PTPN3: variants seen among roughly 807,000 people sequenced by gnomAD.
PTPN3 encodes the protein protein tyrosine phosphatase non-receptor type 3.
Under a neutral mutation model 132.7 loss-of-function variants are expected in PTPN3, and 96 were observed. The ratio of observed to expected loss-of-function variants is 0.72; its 90% CI spans 0.61 to 0.86. PTPN3 has a LOEUF of 0.86. Among genes scored for constraint, PTPN3 ranks in the 40% least tolerant of loss-of-function variants. PTPN3 has a pLI of 0.00. For synonymous variants in PTPN3, 398 were observed against 429.0 expected, an observed-to-expected ratio of 0.93 and a Z score of 0.89; for missense variants, 1,125 against 1,159.6, an observed-to-expected ratio of 0.97 and a Z score of 0.43.
the PTPN3 span, among the ~76,000 whole-genome samples, chr9:109,522,250 A>C: frequency 6.6e-6 from 1 of 152,190 alleles, no homozygotes; most frequent in African/African-American, 2.4e-5. Flanking sequence ...GGTCAAGTGG[A>C]AAAGAAATCC....
chr9:109,424,551 C>T (rs928092455), intron 12 of PTPN3, among the ~76,000 whole-genome samples: 5 of 152,256 alleles, frequency 3.3e-5, no homozygotes, highest in African/African-American at 9.6e-5. Context: ...TTCTGCCTTT[C>T]GCTCCTGGAA....
chr9:109,426,690 G>A (rs1843306547), intron 12 of PTPN3, among the ~76,000 whole-genome samples: 1 of 152,158 alleles, frequency 6.6e-6, no homozygotes, highest in South Asian at 2.1e-4. Context: ...TTATGTCATG[G>A]TGCAGGGTAC....
the PTPN3 span, among the ~76,000 whole-genome samples, chr9:109,508,862 C>G: frequency 8.1e-5 from 12 of 148,126 alleles, no homozygotes; most frequent in Middle Eastern, 3.4e-3. Flanking sequence ...GTCCCCCCCC[C>G]ACCCACCAAC....
At chr9:109,534,161 T>C in the PTPN3 span, 1 of 868,558 alleles carries the variant, frequency 1.2e-6, no homozygotes, top group East Asian at 2.4e-5. Flanking sequence ...AAAACCTTCG[T>C]TGCGATGACC....
At chr9:109,509,962 G>T in the PTPN3 span, among the ~76,000 whole-genome samples, 2 of 152,174 alleles carry the variant, frequency 1.3e-5, no homozygotes, top group African/African-American at 2.4e-5. Flanking sequence ...ACCCAGCCCG[G>T]CTCTCTTTTG....
intron 2 of PTPN3, among the ~76,000 whole-genome samples, chr9:109,461,369 T>G (rs1845836240): frequency 1.3e-5 from 2 of 152,198 alleles, no homozygotes; most frequent in African/African-American, 4.8e-5. Flanking sequence ...TAGGAGCTTC[T>G]GACACACTTT....
intron 5 of PTPN3, among the ~76,000 whole-genome samples, chr9:109,453,843 G>A (rs867204002): frequency 7.5e-4 from 37 of 49,208 alleles, no homozygotes; most frequent in Middle Eastern, 0.012. Context: ...CCCCATCTCC[G>A]TTAAAAAAAA....
chr9:109,433,285 C>T (rs1402439303), intron 9 of PTPN3, 124 bp from the exon 10 acceptor site: 9 of 1,397,516 alleles, frequency 6.4e-6, no homozygotes, highest in African/African-American at 1.4e-5. Flanking sequence ...GAAAATGCTA[C>T]TGAAAACAGG....
intron 1 of PTPN3, among the ~76,000 whole-genome samples, chr9:109,464,518 A>G (rs940464710): frequency 1.3e-5 from 2 of 152,230 alleles, no homozygotes; most frequent in East Asian, 3.8e-4. Flanking sequence ...CAATTTACCT[A>G]TATAACAAAC....
chr9:109,417,252 C>T (rs1842580635), intron 14 of PTPN3, among the ~76,000 whole-genome samples: 1 of 152,246 alleles, frequency 6.6e-6, no homozygotes, highest in Non-Finnish European at 1.5e-5. Context: ...AGTGACTCAT[C>T]CGCTAAGATG....
At chr9:109,505,917 T>A in the PTPN3 span, among the ~76,000 whole-genome samples, 1 of 151,906 alleles carries the variant, frequency 6.6e-6, no homozygotes, top group Non-Finnish European at 1.5e-5. Context: ...GCCCGGCTAA[T>A]TTTTTGTATT....
At chr9:109,531,555 C>T in the PTPN3 span, among the ~76,000 whole-genome samples, 1 of 152,188 alleles carries the variant, frequency 6.6e-6, no homozygotes, top group African/African-American at 2.4e-5. Flanking sequence ...CCTCTTTGGG[C>T]TTCAGTTTTG....
At chr9:109,400,905 C>T (rs1841034326) in intron 19 of PTPN3, among the ~76,000 whole-genome samples, 1 of 152,140 alleles carries the variant, frequency 6.6e-6, no homozygotes, top group African/African-American at 2.4e-5. Flanking sequence ...CATTCTCGCA[C>T]CTGTAACAGT....
rs142951622 is a variant in PTPN3, at chr9:109,479,270, G to T, written c.-17-15819C>A. 2.0e-3 allele frequency among the ~76,000 whole-genome samples: 304 copies of T among 152,226 alleles called. 1 individual carries two copies. Among genetic ancestry groups the T allele is most frequent in the African/African-American group, 6.8e-3 (284 of 41,548 alleles). ...TTTGCCTAGTCTAGATACATCAGTG[G>T]AACCACATAGTATTTGTCTATTTGA... On this transcript the variant is annotated intron_variant, in intron 1 of 25. Coordinates refer to ENST00000374541, the MANE Select transcript of PTPN3 (RefSeq NM_002829.4).
chr9:109,461,740 G>C (rs560955167), intron 2 of PTPN3, among the ~76,000 whole-genome samples: 33 of 145,892 alleles, frequency 2.3e-4, no homozygotes, highest in Non-Finnish European at 4.3e-4. Flanking sequence ...CTGGGTGACA[G>C]AGAAAGACCT....
At chr9:109,387,459 C>T (rs918813030) in intron 22 of PTPN3, among the ~76,000 whole-genome samples, 4 of 152,202 alleles carry the variant, frequency 2.6e-5, no homozygotes, top group Non-Finnish European at 5.9e-5. Context: ...CCTAATGTTG[C>T]CCAGAGCAGC....
At chr9:109,495,184 C>A (rs1388394375) in intron 1 of PTPN3, among the ~76,000 whole-genome samples, 1 of 152,242 alleles carries the variant, frequency 6.6e-6, no homozygotes, top group Non-Finnish European at 1.5e-5. Context: ...ACTGCACCCC[C>A]ACCAGCCCTT....
chr9:109,386,980 G>A (rs915980094), intron 22 of PTPN3, among the ~76,000 whole-genome samples: 9 of 152,186 alleles, frequency 5.9e-5, no homozygotes, highest in African/African-American at 2.2e-4. Flanking sequence ...AGGGGAGACT[G>A]GCAGCGGCAG....
chr9:109,510,568 A>T, the PTPN3 span, among the ~76,000 whole-genome samples: 689 of 35,826 alleles, frequency 0.019, 4 homozygotes, highest in South Asian at 0.065. Context: ...TAAAAAAAAA[A>T]AAAAAAAAAT....
Sources: gnomAD v4.1 joint callset for allele counts (sites outside exome capture counted in the v4.1 genomes callset) on GRCh38, gnomAD v4.1.1 for gene constraint, MANE v1.5 for transcripts, NCBI Gene and HGNC (gene_info 2026-07-23, HGNC 2026-07-21) for gene names.